The following SOCS5 variants were observed in gnomAD, a reference collection of about 807,000 sequenced individuals.
SOCS5 encodes suppressor of cytokine signaling 5.
Under a neutral mutation model 42.8 loss-of-function variants are expected in SOCS5, and 32 were observed. That is an observed-to-expected ratio of 0.75 (90% CI 0.56 to 1.01). The LOEUF is 1.01. SOCS5 is among the 50% of genes least tolerant of loss of function. The pLI is 0.00. For synonymous variants in SOCS5, 283 were observed against 229.6 expected (o/e 1.23, Z -2.10); for missense variants, 627 against 653.0 (o/e 0.96, Z 0.43).
At chr2:46,731,254 G>C (rs779199456) in intron 1 of SOCS5, among the ~76,000 whole-genome samples, 1 of 152,148 alleles carries the variant, frequency 6.6e-6, no homozygotes, top group Non-Finnish European at 1.5e-5. Flanking sequence ...AATGGGATTC[G>C]TGCCTTTGTA....
rs1172539820 is a variant in SOCS5 at position 46,758,610 on chromosome 2, G to T, written c.80G>T (p.Ser27Ile). The T allele has an allele frequency of 6.2e-7, 1 of 1,613,924 alleles. No individual in the cohort carries two copies. Among genetic ancestry groups the T allele is most frequent in the Admixed American group, 1.7e-5 (1 of 60,020 alleles). ...NLFGHEGGSRSENVDMNSNRC... is the reference protein window; with the variant it reads ...NLFGHEGGSRIENVDMNSNRC... ...TTCGGTCATGAGGGAGGAAGCCGTA[G>T]TGAAAATGTGGACATGAACTCCAAC... Residue 27 changes from serine (S) to isoleucine (I), a missense_variant, in exon 2 of 2, where the codon AGT (serine) becomes ATT (isoleucine). By Grantham distance (142) the Ser-to-Ile change is moderately radical (BLOSUM62 -2). Around this residue, in one of 3 missense-constraint regions of SOCS5, gnomAD observed 278 missense variants for 246.3 expected, o/e 1.13. Transcript: ENST00000394861.
At chr2:46,732,876 G>C (rs1259259774) in intron 1 of SOCS5, among the ~76,000 whole-genome samples, 1 of 152,116 alleles carries the variant, frequency 6.6e-6, no homozygotes, top group Non-Finnish European at 1.5e-5. Flanking sequence ...GGCCATGCGA[G>C]TTAGTCTTTT....
Position 46,759,437 on chromosome 2 carries a change from T to G in SOCS5, c.907T>G (p.Leu303Val). 8.7e-6 allele frequency: 14 copies of G among 1,613,944 alleles called. No homozygotes were observed. Among genetic ancestry groups the G allele is most frequent in the Non-Finnish European group, 1.2e-5 (14 of 1,179,852 alleles). ...TCCATTATATAAACTGGGACCAAAA[T>G]TAGCTCCTGGAATGACTGAAATAAG... ...VNPLYKLGPKLAPGMTEISGD... is the reference protein window; with the variant it reads ...VNPLYKLGPKVAPGMTEISGD... Residue 303 changes from leucine (L) to valine (V), a missense_variant, in exon 2 of 2, where the codon TTA (leucine) becomes GTA (valine). Physicochemically the swap from Leu to Val is conservative, Grantham distance 32 (BLOSUM62 1). Around this residue, in one of 3 missense-constraint regions of SOCS5, gnomAD observed 340 missense variants for 367.6 expected, o/e 0.92. Transcript: ENST00000394861.
intron 1 of SOCS5, among the ~76,000 whole-genome samples, chr2:46,733,581 GAA>G (rs78296105): frequency 4.3e-5 from 4 of 92,010 alleles, no homozygotes; most frequent in African/African-American, 1.7e-4. Flanking sequence ...AAAAAAAAAA[GAA>G]AAAAAAAAAA....
chr2:46,717,001 T>TAG (rs1279424934), intron 1 of SOCS5, among the ~76,000 whole-genome samples: 1 of 152,172 alleles, frequency 6.6e-6, no homozygotes, highest in Admixed American at 6.5e-5. Context: ...GAACTCTAAA[T>TAG]CGTTGGAGAG....
intron 1 of SOCS5, among the ~76,000 whole-genome samples, chr2:46,709,506 A>G (rs1455321429): frequency 6.6e-6 from 1 of 152,166 alleles, no homozygotes; most frequent in Non-Finnish European, 1.5e-5. Context: ...GTTTTAGAGG[A>G]GGTAGAAAGA....
chr2:46,724,448 A>G (rs1221432524), intron 1 of SOCS5, among the ~76,000 whole-genome samples: 6 of 151,836 alleles, frequency 4.0e-5, no homozygotes, highest in Admixed American at 6.6e-5. Context: ...TTTTTCTTCT[A>G]GCTTCTTAAG....
intron 1 of SOCS5, among the ~76,000 whole-genome samples, chr2:46,703,307 G>T (rs1396440223): frequency 6.6e-6 from 1 of 151,772 alleles, no homozygotes; most frequent in Non-Finnish European, 1.5e-5. Flanking sequence ...CCAAAGTGAT[G>T]CTAGCAGGGC....
intron 1 of SOCS5, among the ~76,000 whole-genome samples, chr2:46,722,105 T>G (rs532902674): frequency 6.6e-6 from 1 of 152,240 alleles, no homozygotes; most frequent in Admixed American, 6.5e-5. Flanking sequence ...AATTCTCTTT[T>G]TTACATGGTG....
At position 46,759,081 on chromosome 2, in the gene SOCS5, C is replaced by T; in HGVS notation, c.551C>T (p.Thr184Ile). Reference protein sequence around the residue: ...SRSLRQRLQDTVGLCFPMRTY... With the variant: ...SRSLRQRLQDIVGLCFPMRTY... ...TCTCTAAGACAGAGGTTGCAGGATA[C>T]TGTGGGCTTGTGTTTTCCCATGAGA... The change falls in exon 2 of 2, where the codon ACT (threonine) becomes ATT (isoleucine). Residue 184 changes from threonine (T) to isoleucine (I), a missense_variant. Around this residue, in one of 3 missense-constraint regions of SOCS5, gnomAD observed 278 missense variants for 246.3 expected, o/e 1.13. Coordinates refer to ENST00000394861, the MANE Select transcript of SOCS5 (RefSeq NM_144949.3). The T allele has an allele frequency of 6.2e-7, 1 of 1,613,952 alleles. No individual in the cohort carries two copies. Among genetic ancestry groups the T allele is most frequent in the Admixed American group, 1.7e-5 (1 of 60,014 alleles).
chr2:46,742,803 T>G (rs1273579477), intron 1 of SOCS5, among the ~76,000 whole-genome samples: 3 of 151,982 alleles, frequency 2.0e-5, no homozygotes, highest in Non-Finnish European at 4.4e-5. Flanking sequence ...GTAGCTCACA[T>G]TACAGGCACA....
rs1482719305 is a variant in SOCS5 at position 46,760,289 on chromosome 2, C to G, written c.*148C>G. ...ATCTGTCAGATGCTACCTGCTGTTACTTATTCAGATAAACATGGTGCCTAT... is the reference window on the plus strand; with the variant it reads ...ATCTGTCAGATGCTACCTGCTGTTAGTTATTCAGATAAACATGGTGCCTAT... On this transcript the variant is annotated 3_prime_UTR_variant, in exon 2 of 2. Transcript: ENST00000394861. 2.4e-5 allele frequency: 15 copies of G among 627,336 alleles called. No individual in the cohort carries two copies. The highest frequency in any genetic ancestry group is 3.7e-5 in the African/African-American group (2 of 53,978). The allele number at this position is 627,336 out of a possible 1,614,324, so 38.9% of individuals were successfully genotyped here. A position where few individuals can be genotyped will look rare whatever the true frequency, so the allele number is the denominator to read the frequency against.
At position 46,714,866 on chromosome 2, in the gene SOCS5, T is replaced by C. The variant is rs1672703535; in HGVS notation, c.-13+15417T>C. 2.0e-5 allele frequency among the ~76,000 whole-genome samples: 3 copies of C among 152,246 alleles called. No individual in the cohort carries two copies. The South Asian group carries it at 6.2e-4, about 31-fold the overall frequency. The stretch of plus-strand genomic sequence containing the variant: ...TATTTTTTATGATTCTATTTTATCT[T>C]TCCTGTTGGTTTGTAACTTAGATCT... On this transcript the variant is annotated intron_variant, in intron 1 of 1. Coordinates refer to ENST00000394861, the MANE Select transcript of SOCS5 (RefSeq NM_144949.3).
chr2:46,735,500 C>G (rs1673222912), intron 1 of SOCS5, among the ~76,000 whole-genome samples: 1 of 152,100 alleles, frequency 6.6e-6, no homozygotes, highest in African/African-American at 2.4e-5. Context: ...ATTACTCCAA[C>G]TAGAGGTAGT....
intron 1 of SOCS5, among the ~76,000 whole-genome samples, chr2:46,705,053 G>C (rs887650337): frequency 6.6e-6 from 1 of 152,180 alleles, no homozygotes; most frequent in Non-Finnish European, 1.5e-5. Flanking sequence ...CTGCACTCCA[G>C]ACCTTGCTGT....
chr2:46,742,382 G>T (rs548426156), intron 1 of SOCS5, among the ~76,000 whole-genome samples: 2 of 128,808 alleles, frequency 1.6e-5, no homozygotes, highest in Non-Finnish European at 3.1e-5. Context: ...GTCTGTAGAC[G>T]CACACCACTG....
chr2:46,701,021 C>G (rs570531115), intron 1 of SOCS5, among the ~76,000 whole-genome samples: 33 of 152,260 alleles, frequency 2.2e-4, no homozygotes, highest in African/African-American at 7.7e-4. Context: ...TTTCAGTTGG[C>G]ACCTTCTTAG....
At chr2:46,710,622 A>T (rs1032523974) in intron 1 of SOCS5, among the ~76,000 whole-genome samples, 3 of 152,218 alleles carry the variant, frequency 2.0e-5, no homozygotes, top group African/African-American at 7.2e-5. Flanking sequence ...CTTCAGTCTG[A>T]TAAAGGGCAT....
At chr2:46,730,414 A>G (rs1360827971) in intron 1 of SOCS5, among the ~76,000 whole-genome samples, 1 of 151,990 alleles carries the variant, frequency 6.6e-6, no homozygotes, top group Non-Finnish European at 1.5e-5. Context: ...CAGCCTGGCC[A>G]ACATGGTGAA....
Sources: gnomAD v4.1 joint callset for allele counts (sites outside exome capture counted in the v4.1 genomes callset) on GRCh38, gnomAD v4.1.1 for gene constraint, gnomAD v4.1.1 regional missense constraint, MANE v1.5 for transcripts, NCBI Gene and HGNC (gene_info 2026-07-23, HGNC 2026-07-21) for gene names.